Variants in RAPH1 observed in about 807,000 individuals in gnomAD.
RAPH1 encodes Ras association (RalGDS/AF-6) and pleckstrin homology domains 1.
In RAPH1, 18 loss-of-function variants were observed where a neutral mutation model predicts 88.1. The ratio of observed to expected loss-of-function variants is 0.20; its 90% CI spans 0.14 to 0.30. RAPH1 has a LOEUF of 0.30. Among genes scored for constraint, RAPH1 ranks in the 10% least tolerant of loss-of-function variants. The pLI is 1.00. For missense variants in RAPH1, 1,448 were observed against 1,543.2 expected (o/e 0.94, Z 1.03); for synonymous variants, 587 against 559.0 (o/e 1.05, Z -0.71).
intron 7 of RAPH1, among the ~76,000 whole-genome samples, chr2:203,458,761 T>A (rs2098521873): frequency 6.7e-6 from 1 of 149,704 alleles, no homozygotes; most frequent in African/African-American, 2.5e-5. Context: ...TACTTCTTTT[T>A]CTTTTTCTCT....
chr2:203,482,229 A>G (rs1411798128), intron 4 of RAPH1, among the ~76,000 whole-genome samples: 1 of 152,142 alleles, frequency 6.6e-6, no homozygotes, highest in Non-Finnish European at 1.5e-5. Context: ...GCTGTCGCCC[A>G]GGCTGGAGTA....
chr2:203,440,527 G>A lies in RAPH1; in HGVS notation c.2663C>T (p.Ala888Val). 1 of 1,535,686 alleles carries A rather than the reference G, an allele frequency of 6.5e-7. No individual in the cohort carries two copies. The highest frequency in any genetic ancestry group is 8.8e-7 in the Non-Finnish European group (1 of 1,141,900). Residue 888 changes from alanine (A) to valine (V), a missense_variant, in exon 14 of 14, where the codon GCA becomes GTA. This residue lies in a region of RAPH1 where 935 missense variants were observed against 890.1 expected (regional missense o/e 1.05). Transcript: ENST00000319170. The part of the protein sequence containing the change: ...MESQPLKPVP[A>V]NVAPQSPPAV... ...AGGAGGGGACTGTGGAGCTACATTT[G>A]CTGGGACAGGCTTTAAGGGCTGAGA... is the stretch of plus-strand genomic sequence containing the variant.
At chr2:203,506,798 A>ATC (rs1253566924) in intron 1 of RAPH1, among the ~76,000 whole-genome samples, 839 of 67,140 alleles carry the variant, frequency 0.012, 14 homozygotes, top group African/African-American at 0.017. Flanking sequence ...ATATATCTAT[A>ATC]TATATATCTA....
In RAPH1 at chr2:203,489,587, A is replaced by G; in HGVS notation, c.729T>C (p.Thr243=). 6.7e-7 allele frequency: 1 copy of G among 1,500,694 alleles called. No homozygotes were observed. The highest frequency in any genetic ancestry group is 1.5e-5 in the South Asian group (1 of 68,220). The allele number at this position is 1,500,694 out of a possible 1,614,324, so 93.0% of individuals were successfully genotyped here. The change falls in exon 4 of 14, where the codon ACT becomes ACC. Residue 243 remains threonine (T), a synonymous_variant. Coordinates refer to ENST00000319170, the MANE Select transcript of RAPH1 (RefSeq NM_213589.3). ...LDLTHQGQPI[T]EEEQAAKLKA... ...GGAAAAAGTTCCATTTATTTACCTCAGTAATTGGCTGCCCTTGATGTGTCA... is the reference window on the plus strand; with the variant it reads ...GGAAAAAGTTCCATTTATTTACCTCGGTAATTGGCTGCCCTTGATGTGTCA...
intron 4 of RAPH1, among the ~76,000 whole-genome samples, chr2:203,462,721 G>C (rs1192777432): frequency 6.6e-6 from 1 of 152,012 alleles, no homozygotes; most frequent in Non-Finnish European, 1.5e-5. Flanking sequence ...TAAACCATTT[G>C]TCTGCTTTAT....
intron 1 of RAPH1, among the ~76,000 whole-genome samples, chr2:203,503,139 G>C (rs1688815346): frequency 6.6e-6 from 1 of 152,094 alleles, no homozygotes; most frequent in Admixed American, 6.6e-5. Flanking sequence ...GCGAGACTCT[G>C]TCTCAAAAAC....
At chr2:203,487,539 T>C (rs1688027195) in intron 4 of RAPH1, among the ~76,000 whole-genome samples, 1 of 151,948 alleles carries the variant, frequency 6.6e-6, no homozygotes, top group Non-Finnish European at 1.5e-5. Context: ...CGCCACCACA[T>C]CCAACTAATT....
At position 203,448,171 on chromosome 2, in the gene RAPH1, G is replaced by T; in HGVS notation, c.1513-92C>A. 8.1e-7 allele frequency: 1 copy of T among 1,234,908 alleles called. No individual in the cohort carries two copies. The highest frequency in any genetic ancestry group is 1.1e-6 in the Non-Finnish European group (1 of 873,656). The allele number at this position is 1,234,908 out of a possible 1,614,324, so 76.5% of individuals were successfully genotyped here. ...AATGGGGGACATATTTCTGTTTACT[G>T]ATTGATGGTCTGTATTAAAATTAAT... On this transcript the variant is annotated intron_variant, in intron 11 of 13. Coordinates refer to ENST00000319170, the MANE Select transcript of RAPH1 (RefSeq NM_213589.3). This position sits in a 1 kb window ranked among gnomAD's most constrained non-coding sequence, Gnocchi z 4.1.
At chr2:203,533,445 T>C (rs1690476025) in intron 1 of RAPH1, 1 of 152,158 alleles carries the variant, frequency 6.6e-6, no homozygotes. Flanking sequence ...AAGGTCAGAC[T>C]CAACAAGAGT....
intron 12 of RAPH1, chr2:203,447,615 A>G (rs2098511134): frequency 6.2e-6 from 1 of 160,826 alleles, no homozygotes; most frequent in Non-Finnish European, 1.4e-5. Context: ...CAGCTTCTTC[A>G]TGGTTTCTGA....
At position 203,439,811 on chromosome 2, in the gene RAPH1, G is replaced by A. The variant is rs144033630; in HGVS notation, c.3379C>T (p.Arg1127Trp). 2.0e-5 allele frequency: 33 copies of A among 1,614,012 alleles called. No homozygotes were observed. Among genetic ancestry groups the A allele is most frequent in the Middle Eastern group, 1.6e-4 (1 of 6,084 alleles). The change falls in exon 14 of 14, where the codon CGG becomes TGG. Residue 1127 changes from arginine (R) to tryptophan (W), a missense_variant. Coordinates refer to ENST00000319170, the MANE Select transcript of RAPH1 (RefSeq NM_213589.3). ...TGAGTGAGGCGGGTGCTATCATTCC[G>A]TTTGGGTCGTGTGGGTGGAGGGGCC... ...KKAPPPTRPK[R>W]NDSTRLTQAE...
intron 4 of RAPH1, among the ~76,000 whole-genome samples, chr2:203,489,359 C>CG (rs879375981): frequency 2.0e-5 from 3 of 152,096 alleles, no homozygotes; most frequent in Admixed American, 6.6e-5. Flanking sequence ...CTTCCAAATA[C>CG]TATAGTCACG....
Position 203,440,059 on chromosome 2 carries a change from C to T in RAPH1, c.3131G>A (p.Gly1044Glu). The change falls in exon 14 of 14, where the codon GGG becomes GAG. Residue 1044 changes from glycine (G) to glutamate (E), a missense_variant. Around this residue, in one of 2 missense-constraint regions of RAPH1, gnomAD observed 935 missense variants for 890.1 expected, o/e 1.05. Transcript: ENST00000319170. ...AACAGGGGCTTTTGCTGACACACAC[C>T]CTTGTTGGAGAACTCCAGGAAGGTT... ...GVNLPGVLQQ[G>E]CVSAKAPVLS... 6.2e-7 allele frequency: 1 copy of T among 1,613,588 alleles called. No individual in the cohort carries two copies.
chr2:203,503,613 T>A (rs1284414777), intron 1 of RAPH1, among the ~76,000 whole-genome samples: 1 of 152,082 alleles, frequency 6.6e-6, no homozygotes, highest in Non-Finnish European at 1.5e-5. Context: ...ATTTGGCCCC[T>A]CCAAATCTCA....
rs765753267 is a variant in RAPH1 at position 203,435,665 on chromosome 2, G to A, written c.*3772C>T. 7.2e-5 allele frequency: 11 copies of A among 152,106 alleles called. No individual in the cohort carries two copies. Among genetic ancestry groups the A allele is most frequent in the Non-Finnish European group, 5.9e-5 (4 of 68,014 alleles). The allele number at this position is 152,106 out of a possible 1,614,324, so 9.4% of individuals were successfully genotyped here. On this transcript the variant is annotated 3_prime_UTR_variant, in exon 14 of 14. Coordinates refer to ENST00000319170, the MANE Select transcript of RAPH1 (RefSeq NM_213589.3). ...ATTGATAACCATACAGGATCCTATG[G>A]GTTTAACTGGTCTAAACTTGAGTGG...
intron 1 of RAPH1, among the ~76,000 whole-genome samples, chr2:203,506,365 C>G (rs1226514675): frequency 6.6e-6 from 1 of 151,802 alleles, no homozygotes; most frequent in African/African-American, 2.4e-5. Flanking sequence ...TTTTTGGTTT[C>G]AAAATACTGT....
chr2:203,441,452 C>A, intron 13 of RAPH1, 39 bp from the exon 14 acceptor site: 1 of 1,494,848 alleles, frequency 6.7e-7, no homozygotes, highest in Non-Finnish European at 8.9e-7. Context: ...GAGAGAAAAA[C>A]ACAACAAACA....
At chr2:203,474,994 G>A (rs1287710926) in intron 4 of RAPH1, among the ~76,000 whole-genome samples, 2 of 152,134 alleles carry the variant, frequency 1.3e-5, no homozygotes, top group South Asian at 2.1e-4. Flanking sequence ...ACTTGTAGTC[G>A]CAGCTACTTG....
intron 13 of RAPH1, chr2:203,443,259 C>T (rs1033570399): frequency 3.3e-5 from 5 of 152,176 alleles, no homozygotes; most frequent in African/African-American, 9.6e-5. Flanking sequence ...AAGCACCCCC[C>T]ACCAAAAAAT....
Sources: allele counts gnomAD v4.1 joint callset (sites outside exome capture counted in the v4.1 genomes callset), GRCh38; gene constraint gnomAD v4.1.1; regional missense constraint gnomAD v4.1.1; non-coding constraint Gnocchi (gnomAD v3.1); transcripts MANE v1.5; gene names NCBI Gene and HGNC (gene_info 2026-07-23, HGNC 2026-07-21).